ZNF385B: variants seen among roughly 807,000 people sequenced by gnomAD.
ZNF385B encodes the protein zinc finger protein 533.
In ZNF385B, 23 loss-of-function variants were observed where a neutral mutation model predicts 39.2. The ratio of observed to expected loss-of-function variants is 0.59; its 90% CI spans 0.42 to 0.83. The LOEUF (loss-of-function observed/expected upper bound fraction) is 0.83, where lower values mean the gene tolerates loss of function less well. Ranked by LOEUF, ZNF385B falls within the 40% of genes least tolerant of loss-of-function variation. The pLI is 0.00. For synonymous variants in ZNF385B, 205 were observed against 222.6 expected (o/e 0.92, Z 0.70); for missense variants, 552 against 598.9 (o/e 0.92, Z 0.82).
chr2:179,606,085 C>T (rs889370343), intron 3 of ZNF385B, among the ~76,000 whole-genome samples: 2 of 152,080 alleles, frequency 1.3e-5, no homozygotes, highest in African/African-American at 4.8e-5. Flanking sequence ...TAGTAGCTGG[C>T]AGTCAAAAAA....
intron 1 of ZNF385B, among the ~76,000 whole-genome samples, chr2:179,842,743 C>T (rs1365769780): frequency 6.6e-6 from 1 of 152,150 alleles, no homozygotes; most frequent in Non-Finnish European, 1.5e-5. Context: ...GATGAAGAGT[C>T]ACTGGTAGAG....
chr2:179,693,521 C>A (rs182086478), intron 3 of ZNF385B, among the ~76,000 whole-genome samples: 1 of 152,198 alleles, frequency 6.6e-6, no homozygotes, highest in East Asian at 1.9e-4. Flanking sequence ...ATTTCTGACA[C>A]AGAAATGTTT....
chr2:179,731,141 T>C (rs1194752122), intron 3 of ZNF385B, among the ~76,000 whole-genome samples: 1 of 152,230 alleles, frequency 6.6e-6, no homozygotes, highest in African/African-American at 2.4e-5. Context: ...TCCCACTTTG[T>C]AAAAAGAGGT....
In ZNF385B at chr2:179,512,270, T is replaced by A. The variant is rs535032571; in HGVS notation, c.552+6258A>T. ...TAATAATAATAATATAATCTCTGTTTTTAAACATTTAAGAGAATCAAGTTG... is the reference window on the plus strand; with the variant it reads ...TAATAATAATAATATAATCTCTGTTATTAAACATTTAAGAGAATCAAGTTG... On this transcript the variant is annotated intron_variant, in intron 5 of 9. Coordinates refer to ENST00000410066, the MANE Select transcript of ZNF385B (RefSeq NM_152520.6). 8.4e-4 allele frequency among the ~76,000 whole-genome samples: 128 copies of A among 152,312 alleles called. 1 individual carries two copies. Among genetic ancestry groups the A allele is most frequent in the African/African-American group, 2.7e-3 (114 of 41,574 alleles).
chr2:179,623,218 CA>C (rs1690368486), intron 3 of ZNF385B, among the ~76,000 whole-genome samples: 1 of 151,578 alleles, frequency 6.6e-6, no homozygotes, highest in Admixed American at 6.6e-5. Context: ...AAAAATCAAT[CA>C]AGAACTCAAG....
chr2:179,729,128 CA>C (rs767380342), intron 3 of ZNF385B, among the ~76,000 whole-genome samples: 7,250 of 76,626 alleles, frequency 0.095, 260 homozygotes, highest in African/African-American at 0.18. Flanking sequence ...ATTCTATTCT[CA>C]AAAAAAAAAA....
intron 3 of ZNF385B, among the ~76,000 whole-genome samples, chr2:179,705,560 A>G (rs916835369): frequency 6.6e-6 from 1 of 152,174 alleles, no homozygotes; most frequent in Non-Finnish European, 1.5e-5. Flanking sequence ...TCTATTCTCT[A>G]GATCACCCTG....
At chr2:179,741,339 T>C (rs912304083) in intron 3 of ZNF385B, among the ~76,000 whole-genome samples, 1 of 152,126 alleles carries the variant, frequency 6.6e-6, no homozygotes, top group Non-Finnish European at 1.5e-5. Flanking sequence ...AATTATACAC[T>C]GATGTCTAGT....
intron 6 of ZNF385B, among the ~76,000 whole-genome samples, chr2:179,479,193 T>C (rs1340228487): frequency 2.0e-5 from 3 of 152,236 alleles, no homozygotes; most frequent in Non-Finnish European, 4.4e-5. Context: ...AACTGAAGAA[T>C]AGCTTTAATG....
intron 6 of ZNF385B, among the ~76,000 whole-genome samples, chr2:179,473,937 A>G (rs2053115741): frequency 6.6e-6 from 1 of 152,178 alleles, no homozygotes; most frequent in Non-Finnish European, 1.5e-5. Context: ...CAGAAGCTCC[A>G]TGAGCATGAC....
chr2:179,782,442 C>T (rs1704725922), intron 1 of ZNF385B, among the ~76,000 whole-genome samples: 1 of 152,122 alleles, frequency 6.6e-6, no homozygotes, highest in African/African-American at 2.4e-5. Context: ...GATGCCCTCT[C>T]TCACCGTTTC....
At chr2:179,788,197 A>G (rs775339712) in intron 1 of ZNF385B, among the ~76,000 whole-genome samples, 8 of 152,138 alleles carry the variant, frequency 5.3e-5, no homozygotes, top group Non-Finnish European at 7.4e-5. Context: ...ATGTACACAC[A>G]TGCGTGCACA....
intron 5 of ZNF385B, among the ~76,000 whole-genome samples, chr2:179,495,462 T>A (rs1051853374): frequency 1.3e-5 from 2 of 152,170 alleles, no homozygotes; most frequent in Non-Finnish European, 2.9e-5. Flanking sequence ...ACAGGCCTGG[T>A]TGGCTTTGCC....
chr2:179,733,542 G>A (rs1256801007), intron 3 of ZNF385B, among the ~76,000 whole-genome samples: 2 of 152,180 alleles, frequency 1.3e-5, no homozygotes, highest in African/African-American at 4.8e-5. Flanking sequence ...CAGCACTTTG[G>A]GAGGCCGAGG....
At chr2:179,557,527 A>G (rs1465727344) in intron 3 of ZNF385B, among the ~76,000 whole-genome samples, 1 of 128,442 alleles carries the variant, frequency 7.8e-6, no homozygotes, top group African/African-American at 2.8e-5. Flanking sequence ...TTATATGTGT[A>G]TGTTATATAC....
Position 179,844,118 on chromosome 2 carries a change from T to A in ZNF385B, c.-155+16983A>T, listed in dbSNP as rs184162365. ...AGAGATGATTCGTGATCCAAGTTGG[T>A]CTATTAGATAGAACAGAAAATGCCT... On this transcript the variant is annotated intron_variant, in intron 1 of 9. Transcript: ENST00000410066. Among the ~76,000 whole-genome samples the A allele has an allele frequency of 3.0e-4, 45 of 152,354 alleles. No homozygotes were observed. The East Asian group carries it at 7.9e-3, about 27-fold the overall frequency.
At chr2:179,838,324 A>G (rs980309691) in intron 1 of ZNF385B, among the ~76,000 whole-genome samples, 1 of 152,250 alleles carries the variant, frequency 6.6e-6, no homozygotes, top group East Asian at 1.9e-4. Flanking sequence ...CCAAGCATGA[A>G]CCACTGATTA....
intron 3 of ZNF385B, among the ~76,000 whole-genome samples, chr2:179,751,486 A>C (rs948927239): frequency 1.3e-5 from 2 of 152,202 alleles, no homozygotes; most frequent in Non-Finnish European, 2.9e-5. Flanking sequence ...AACATTTTAA[A>C]TATGCATGAG....
chr2:179,747,474 T>C (rs1702448908), intron 3 of ZNF385B, among the ~76,000 whole-genome samples: 3 of 152,130 alleles, frequency 2.0e-5, no homozygotes, highest in South Asian at 2.1e-4. Context: ...AGAAAAGGCA[T>C]TGGGCATCAT....
Sources: allele counts gnomAD v4.1 joint callset (sites outside exome capture counted in the v4.1 genomes callset), GRCh38; gene constraint gnomAD v4.1.1; transcripts MANE v1.5; gene names NCBI Gene and HGNC (gene_info 2026-07-23, HGNC 2026-07-21).